BBS9: variants seen among roughly 807,000 people sequenced by gnomAD.
The protein encoded by BBS9 is protein PTHB1.
A neutral mutation model predicts 117.7 loss-of-function variants in BBS9; 89 were observed. That is an observed-to-expected ratio of 0.76 (90% CI 0.64 to 0.90). The LOEUF (loss-of-function observed/expected upper bound fraction) is 0.90. Ranked by LOEUF, BBS9 falls within the 40% of genes least tolerant of loss-of-function variation. The pLI is 0.00. For missense variants in BBS9, 982 were observed against 1,042.2 expected (o/e 0.94, Z 0.80); for synonymous variants, 379 against 370.9 (o/e 1.02, Z -0.25).
chr7:33,373,488 CA>C (rs1823242066), intron 17 of BBS9, among the ~76,000 whole-genome samples: 1 of 152,062 alleles, frequency 6.6e-6, no homozygotes, highest in South Asian at 2.1e-4. Context: ...CCAAAGTGCT[CA>C]AAAAGTTTGG....
chr7:33,151,330 T>C (rs555514683), intron 2 of BBS9, among the ~76,000 whole-genome samples: 1 of 152,296 alleles, frequency 6.6e-6, no homozygotes, highest in Non-Finnish European at 1.5e-5. Context: ...CTAGTGCTCA[T>C]TTCTATATCA....
intron 21 of BBS9, among the ~76,000 whole-genome samples, chr7:33,548,864 C>T (rs989102278): frequency 6.7e-6 from 1 of 149,878 alleles, no homozygotes; most frequent in African/African-American, 2.5e-5. Flanking sequence ...AGGTAATTTA[C>T]AGATTCAATG....
In BBS9 at chr7:33,174,254, C is replaced by T. The variant is rs538654996; in HGVS notation, c.329-3224C>T. ...CCAGTTGCTGTGAGAGAGCAATGGACACAATAGGCCTAGTGGGTACCTCGC... is the reference window on the plus strand; with the variant it reads ...CCAGTTGCTGTGAGAGAGCAATGGATACAATAGGCCTAGTGGGTACCTCGC... On this transcript the variant is annotated intron_variant, in intron 4 of 22. Transcript: ENST00000242067. 1.8e-4 allele frequency among the ~76,000 whole-genome samples: 28 copies of T among 152,324 alleles called. No individual in the cohort carries two copies. The East Asian group carries it at 4.6e-3, about 25-fold the overall frequency.
At chr7:33,388,256 G>A (rs1300268556) in intron 19 of BBS9, 112 bp downstream of exon 19, 1 of 1,254,370 alleles carries the variant, frequency 8.0e-7, no homozygotes, top group African/African-American at 1.5e-5. Context: ...GTGCTTTAAG[G>A]AACAGTGAAC....
At chr7:33,505,710 A>G in intron 20 of BBS9, 65 bp downstream of exon 20, 2 of 1,528,476 alleles carry the variant, frequency 1.3e-6, no homozygotes, top group Admixed American at 3.5e-5. Flanking sequence ...TTAGGAAGAT[A>G]TCACATGGCT....
chr7:33,209,089 C>T (rs1394997334), intron 5 of BBS9, among the ~76,000 whole-genome samples: 1 of 152,066 alleles, frequency 6.6e-6, no homozygotes, highest in African/African-American at 2.4e-5. Flanking sequence ...TTCTACCTCC[C>T]CATCCCCCAA....
chr7:33,314,088 C>T (rs182149927), intron 9 of BBS9, among the ~76,000 whole-genome samples: 27 of 152,160 alleles, frequency 1.8e-4, no homozygotes, highest in African/African-American at 6.3e-4. Context: ...AGTAGCTCCC[C>T]AGCACATATT....
chr7:33,269,813 A>G (rs1189675645), intron 7 of BBS9, among the ~76,000 whole-genome samples: 1 of 151,994 alleles, frequency 6.6e-6, no homozygotes, highest in Non-Finnish European at 1.5e-5. Context: ...TCACGAGGTC[A>G]GGAAATCGAG....
intron 21 of BBS9, among the ~76,000 whole-genome samples, chr7:33,575,172 G>A (rs1025273654): frequency 6.6e-6 from 1 of 152,044 alleles, no homozygotes; most frequent in Non-Finnish European, 1.5e-5. Flanking sequence ...AGTAGAGGAG[G>A]ACAGAGAAGA....
At chr7:33,209,032 A>G (rs1787509874) in intron 5 of BBS9, among the ~76,000 whole-genome samples, 1 of 152,202 alleles carries the variant, frequency 6.6e-6, no homozygotes, top group African/African-American at 2.4e-5. Flanking sequence ...ATGCTATCAA[A>G]TATTAGATCT....
intron 21 of BBS9, among the ~76,000 whole-genome samples, chr7:33,588,836 A>G (rs1428269117): frequency 6.6e-6 from 1 of 152,110 alleles, no homozygotes; most frequent in East Asian, 1.9e-4. Flanking sequence ...CACCATCCCT[A>G]AAGTGGGAAT....
At chr7:33,588,231 T>C (rs958629012) in intron 21 of BBS9, among the ~76,000 whole-genome samples, 5 of 152,174 alleles carry the variant, frequency 3.3e-5, no homozygotes, top group Admixed American at 6.6e-5. Context: ...CCTAAAGATT[T>C]GTATCAGCTA....
At chr7:33,227,604 C>T (rs1031452661) in intron 5 of BBS9, among the ~76,000 whole-genome samples, 3 of 152,036 alleles carry the variant, frequency 2.0e-5, no homozygotes, top group African/African-American at 7.2e-5. Flanking sequence ...TTTCATCCTT[C>T]ACCCCATTCC....
chr7:33,509,995 A>C (rs1846693123), intron 20 of BBS9, among the ~76,000 whole-genome samples: 1 of 152,140 alleles, frequency 6.6e-6, no homozygotes, highest in South Asian at 2.1e-4. Context: ...GTAAATTTTT[A>C]AAAGTGCTCA....
At chr7:33,312,438 G>A (rs962512852) in intron 9 of BBS9, among the ~76,000 whole-genome samples, 2 of 152,110 alleles carry the variant, frequency 1.3e-5, no homozygotes, top group Non-Finnish European at 2.9e-5. Flanking sequence ...TTGAATGAGG[G>A]AATGGGAGGG....
chr7:33,220,031 G>A (rs1366631344), intron 5 of BBS9, among the ~76,000 whole-genome samples: 3 of 152,074 alleles, frequency 2.0e-5, no homozygotes, highest in African/African-American at 7.2e-5. Context: ...CTCCGGACAC[G>A]CCGCCTTTAA....
chr7:33,349,290 C>A, intron 13 of BBS9, 120 bp downstream of exon 13: 1 of 756,448 alleles, frequency 1.3e-6, no homozygotes, highest in Non-Finnish European at 2.3e-6. Context: ...GTCCCAAAAT[C>A]AATGATTGTG....
intron 4 of BBS9, among the ~76,000 whole-genome samples, chr7:33,169,803 CTCTT>C (rs1462122281): frequency 1.3e-5 from 2 of 151,210 alleles, no homozygotes; most frequent in Non-Finnish European, 3.0e-5. Context: ...TGTGCAGAAG[CTCTT>C]TAGTTTAATT....
chr7:33,328,398 A>T (rs1464551989), intron 9 of BBS9, among the ~76,000 whole-genome samples: 1 of 152,234 alleles, frequency 6.6e-6, no homozygotes, highest in Non-Finnish European at 1.5e-5. Context: ...CTTCTGTTGT[A>T]TAGCAGATGC....
Sources: gnomAD v4.1 joint callset for allele counts (sites outside exome capture counted in the v4.1 genomes callset) on GRCh38, gnomAD v4.1.1 for gene constraint, MANE v1.5 for transcripts, NCBI Gene and HGNC (gene_info 2026-07-23, HGNC 2026-07-21) for gene names.